The following NDEL1 variants were observed in gnomAD, a reference collection of about 807,000 sequenced individuals.
NDEL1 encodes the protein nudE neurodevelopment protein 1 like 1.
NDEL1 carries 9 observed loss-of-function variants against 45.7 expected under a neutral mutation model. The ratio of observed to expected loss-of-function variants is 0.20; its 90% CI spans 0.12 to 0.34. The LOEUF is 0.34. NDEL1 is among the 10% of genes least tolerant of loss of function. NDEL1 has a pLI of 1.00. For synonymous variants in NDEL1, 133 were observed against 158.6 expected (o/e 0.84, Z 1.21); for missense variants, 306 against 406.2 (o/e 0.75, Z 2.12).
chr17:8,444,188 T>G, intron 1 of NDEL1, 72 bp from the exon 2 acceptor site: 1 of 941,122 alleles, frequency 1.1e-6, no homozygotes, highest in Non-Finnish European at 1.7e-6. Flanking sequence ...TTCAGTGTTG[T>G]CCCAGATTTT....
chr17:8,428,882 C>T (rs910883244), intron 1 of NDEL1, among the ~76,000 whole-genome samples: 7 of 151,794 alleles, frequency 4.6e-5, no homozygotes, highest in Admixed American at 6.6e-5. Context: ...ACCGTGTTAG[C>T]CAAGATGGTC....
chr17:8,428,323 G>GGTGT (rs61341198), intron 1 of NDEL1, among the ~76,000 whole-genome samples: 9,617 of 61,498 alleles, frequency 0.16, 433 homozygotes, highest in Admixed American at 0.24. Flanking sequence ...AAGTGTGTGT[G>GGTGT]GTGTGTGTGT....
downstream of NDEL1, chr17:8,468,227 G>C (rs551489986): frequency 5.9e-5 from 9 of 152,368 alleles, no homozygotes; most frequent in East Asian, 1.7e-3. Flanking sequence ...GTAAAGCCAG[G>C]TTCCAACGTC....
intron 4 of NDEL1, among the ~76,000 whole-genome samples, chr17:8,447,446 G>A (rs554099798): frequency 5.9e-5 from 9 of 152,116 alleles, no homozygotes; most frequent in Non-Finnish European, 1.0e-4. Flanking sequence ...CCCAGCCTAG[G>A]TTTTGTGTAT....
chr17:8,473,807 C>T (rs1002565179), intron 3 of NDEL1, among the ~76,000 whole-genome samples: 2 of 152,242 alleles, frequency 1.3e-5, no homozygotes, highest in Non-Finnish European at 2.9e-5. Context: ...ACTAGAGAGG[C>T]TGCCCTTGGC....
At chr17:8,454,932 A>G (rs1910736821) in intron 7 of NDEL1, 45 bp downstream of exon 7, 1 of 1,464,502 alleles carries the variant, frequency 6.8e-7, no homozygotes, top group Admixed American at 1.8e-5. Context: ...CTGACAAGGT[A>G]TTGAATTATT....
chr17:8,467,262 C>G lies in NDEL1; in HGVS notation c.*239C>G. 1.7e-6 allele frequency: 1 copy of G among 587,530 alleles called. No individual in the cohort carries two copies. The highest frequency in any genetic ancestry group is 3.0e-6 in the Non-Finnish European group (1 of 330,498). 36.4% of individuals were successfully genotyped at this position (587,530 alleles called of 1,614,324 possible). A position where few individuals can be genotyped will look rare whatever the true frequency, so the allele number is the denominator to read the frequency against. On this transcript the variant is annotated 3_prime_UTR_variant, in exon 9 of 9. Transcript: ENST00000334527. The surrounding 1 kb of genome is among the most constrained non-coding windows in gnomAD (Gnocchi z 6.3). ...GTGCCGTTGGTTTCACATGATTGCA[C>G]TTTTGTGGGTCGCAAGGTGATACAT...
In NDEL1 at chr17:8,448,557, A is replaced by G. The variant is rs370477079; in HGVS notation, c.397A>G (p.Ile133Val). 29 of 1,612,226 alleles carry G rather than the reference A, an allele frequency of 1.8e-5. No homozygotes were observed. Among genetic ancestry groups the G allele is most frequent in the African/African-American group, 9.4e-5 (7 of 74,796 alleles). The change falls in exon 5 of 9, where the codon ATA (isoleucine) becomes GTA (valine). Residue 133 changes from isoleucine (I) to valine (V), a missense_variant. By Grantham distance (29) the Ile-to-Val change is conservative. Transcript: ENST00000334527. ...DDLERAKRAT[I>V]VSLEDFEQRL... Reference sequence around the variant, plus strand: ...TCTAATTTTTCTTTTTAGGGCAACAATAGTTTCACTGGAAGACTTTGAACA... The same window carrying G: ...TCTAATTTTTCTTTTTAGGGCAACAGTAGTTTCACTGGAAGACTTTGAACA...
chr17:8,469,998 G>A (rs566297931), downstream of NDEL1, among the ~76,000 whole-genome samples: 6 of 151,680 alleles, frequency 4.0e-5, no homozygotes, highest in East Asian at 3.9e-4. Flanking sequence ...GTGGGCCACC[G>A]TGGCTGGCCT....
In NDEL1 at chr17:8,467,123, C is replaced by T. The variant is rs1193419770; in HGVS notation, c.*100C>T. On this transcript the variant is annotated 3_prime_UTR_variant, in exon 9 of 9. Coordinates refer to ENST00000334527, the MANE Select transcript of NDEL1 (RefSeq NM_030808.5). The surrounding 1 kb of genome is among the most constrained non-coding windows in gnomAD (Gnocchi z 6.3). ...TGGGCCCAGCCCCGTGCCCCTCCGTCTGCCTCCGCACGGCTGGCAGAGGGC... is the reference window on the plus strand; with the variant it reads ...TGGGCCCAGCCCCGTGCCCCTCCGTTTGCCTCCGCACGGCTGGCAGAGGGC... The T allele has an allele frequency of 1.0e-5, 12 of 1,197,052 alleles. No individual in the cohort carries two copies. The highest frequency in any genetic ancestry group is 1.3e-5 in the Non-Finnish European group (11 of 826,916). The allele number at this position is 1,197,052 out of a possible 1,614,324, so 74.2% of individuals were successfully genotyped here.
intron 7 of NDEL1, among the ~76,000 whole-genome samples, chr17:8,457,724 G>C (rs1910930967): frequency 6.6e-6 from 1 of 151,758 alleles, no homozygotes; most frequent in African/African-American, 2.4e-5. Flanking sequence ...CCTCCTTTTT[G>C]TCCCAGTGGT....
At position 8,466,822 on chromosome 17, in the gene NDEL1, C is replaced by G. The variant is rs140609891; in HGVS notation, c.945-108C>G. The G allele has an allele frequency of 1.7e-4, 192 of 1,122,906 alleles. 3 individuals are homozygous for G. The highest frequency in any genetic ancestry group is 2.4e-5 in the Non-Finnish European group (18 of 761,852). 69.6% of individuals were successfully genotyped at this position (1,122,906 alleles called of 1,614,324 possible). A position where few individuals can be genotyped will look rare whatever the true frequency, so the allele number is the denominator to read the frequency against. On this transcript the variant is annotated intron_variant, in intron 8 of 8. Transcript: ENST00000334527. ...TGGGCCATCAGGACCCTACAGCCTG[C>G]GAGGAATAGTTTTAGAAAGCAGATT...
chr17:8,425,989 C>T (rs1222762944), intron 1 of NDEL1, among the ~76,000 whole-genome samples: 1 of 152,122 alleles, frequency 6.6e-6, no homozygotes, highest in Non-Finnish European at 1.5e-5. Context: ...TGGGTCTCGC[C>T]ATGTTACACA....
chr17:8,427,498 C>T (rs1036162702), intron 1 of NDEL1, among the ~76,000 whole-genome samples: 3 of 152,092 alleles, frequency 2.0e-5, no homozygotes, highest in African/African-American at 7.2e-5. Flanking sequence ...GCCAGGAGTT[C>T]AAGACCTGTC....
chr17:8,459,881 T>C, intron 7 of NDEL1, 128 bp from the exon 8 acceptor site: 2 of 908,188 alleles, frequency 2.2e-6, no homozygotes, highest in South Asian at 1.7e-5. Context: ...TGATTATGGC[T>C]GAACTAACCA....
At chr17:8,462,843 C>A in intron 8 of NDEL1, 1 of 155,098 alleles carries the variant, frequency 6.4e-6, no homozygotes, top group Non-Finnish European at 1.4e-5. Context: ...TACATGTGTT[C>A]ACCTTCCCAC....
At chr17:8,433,489 C>T (rs572289017), upstream of NDEL1, among the ~76,000 whole-genome samples, 23 of 152,196 alleles carry the variant, frequency 1.5e-4, no homozygotes, top group South Asian at 2.5e-3. Context: ...TTTTATAAAG[C>T]GTCAATGATT....
intron 1 of NDEL1, among the ~76,000 whole-genome samples, chr17:8,427,713 A>T (rs1908873358): frequency 6.6e-6 from 1 of 152,144 alleles, no homozygotes; most frequent in Non-Finnish European, 1.5e-5. Flanking sequence ...GTCTCAAAAC[A>T]AAAACAAAAA....
At chr17:8,435,072 AAAACAAACAAAC>A (rs151006832), upstream of NDEL1, among the ~76,000 whole-genome samples, 10 of 151,284 alleles carry the variant, frequency 6.6e-5, no homozygotes. Flanking sequence ...CTCCGTCTCA[AAAACAAACAAAC>A]AAACAAACAA....
Sources: allele counts gnomAD v4.1 joint callset (sites outside exome capture counted in the v4.1 genomes callset), GRCh38; gene constraint gnomAD v4.1.1; non-coding constraint Gnocchi (gnomAD v3.1); transcripts MANE v1.5; gene names NCBI Gene and HGNC (gene_info 2026-07-23, HGNC 2026-07-21).